The following GCLC variants were observed in gnomAD, a reference collection of about 807,000 sequenced individuals.
GCLC encodes glutamate--cysteine ligase catalytic subunit.
GCLC carries 30 observed loss-of-function variants against 81.5 expected under a neutral mutation model. The observed-to-expected ratio is 0.37, with a 90% CI of 0.28 to 0.50. GCLC has a LOEUF of 0.50. Ranked by LOEUF, GCLC falls within the 20% of genes least tolerant of loss-of-function variation. The probability of loss-of-function intolerance (pLI) is 0.96; values close to 1 mark genes in which losing one functional copy is unlikely to be tolerated. For synonymous variants in GCLC, 262 were observed against 273.3 expected (o/e 0.96, Z 0.41); for missense variants, 556 against 777.4 (o/e 0.72, Z 3.39).
rs551665117 is a variant in GCLC, at chr6:53,540,615, T to A, written c.150+3881A>T. On this transcript the variant is annotated intron_variant, in intron 1 of 15. Coordinates refer to ENST00000650454, the MANE Select transcript of GCLC (RefSeq NM_001498.4). Reference sequence around the variant, plus strand: ...TGCCCCTGTAGTTAACAATACTATATTTGTGCACTTAAAAATCTGTTAAGG... The same window carrying A: ...TGCCCCTGTAGTTAACAATACTATAATTGTGCACTTAAAAATCTGTTAAGG... Among the ~76,000 whole-genome samples the A allele has an allele frequency of 2.0e-5, 3 of 152,024 alleles. No individual in the cohort carries two copies. The South Asian group carries it at 6.2e-4, about 32-fold the overall frequency.
At chr6:53,500,017 A>G (rs1475623766) in intron 15 of GCLC, 28 bp downstream of exon 15, 1 of 1,504,390 alleles carries the variant, frequency 6.6e-7, no homozygotes, top group Non-Finnish European at 9.3e-7. Context: ...TGTCTATATT[A>G]TGAGATTAAG....
intron 3 of GCLC, among the ~76,000 whole-genome samples, chr6:53,517,403 G>A (rs1214933209): frequency 6.6e-6 from 1 of 151,674 alleles, no homozygotes; most frequent in Non-Finnish European, 1.5e-5. Flanking sequence ...GGCCATCAAT[G>A]CCTTATTTTT....
Position 53,506,978 on chromosome 6 carries a change from C to G in GCLC, c.1132G>C (p.Asp378His). The G allele has an allele frequency of 2.5e-6, 4 of 1,612,148 alleles. No individual in the cohort carries two copies. The highest frequency in any genetic ancestry group is 3.4e-6 in the Non-Finnish European group (4 of 1,178,268). ...TTCTCTTCAAACAGTGTCAGTGGGT[C>G]TCTAATAAAGAGATGAGCAACATGC... ...AQHVAHLFIR[D>H]PLTLFEEKIH... Residue 378 changes from aspartate to histidine, a missense_variant, in exon 10 of 16, where the codon GAC (aspartate) becomes CAC (histidine). Physicochemically the swap from Asp to His is moderately conservative, Grantham distance 81. Transcript: ENST00000650454. The surrounding 1 kb of genome is among the most constrained non-coding windows in gnomAD (Gnocchi z 4.0).
intron 6 of GCLC, chr6:53,512,923 A>T: frequency 6.6e-6 from 1 of 152,234 alleles, no homozygotes; most frequent in East Asian, 1.9e-4. Flanking sequence ...TCTAGAACTT[A>T]ATGGTTTTCT....
rs1387654908 is a variant in GCLC, at chr6:53,530,442, A to C, written c.151-7915T>G. Among the ~76,000 whole-genome samples, 10 of 152,318 alleles carry C rather than the reference A, an allele frequency of 6.6e-5. No homozygotes were observed. The South Asian group carries it at 2.1e-3, about 32-fold the overall frequency. ...CCATATTTGAAATTCATGCTAAAGGATGAAAATCTCAGATAAGTTAAAGCT... is the reference window on the plus strand; with the variant it reads ...CCATATTTGAAATTCATGCTAAAGGCTGAAAATCTCAGATAAGTTAAAGCT... On this transcript the variant is annotated intron_variant, in intron 1 of 15. Transcript: ENST00000650454.
At chr6:53,517,293 C>T (rs1300359155) in intron 3 of GCLC, among the ~76,000 whole-genome samples, 2 of 129,578 alleles carry the variant, frequency 1.5e-5, no homozygotes, top group African/African-American at 5.7e-5. Context: ...GACGAGGTCT[C>T]ACTATGCTAC....
chr6:53,507,525 C>T lies in GCLC; in HGVS notation c.1039G>A (p.Asp347Asn), dbSNP rs80120302. ...SKCGEKYNDI[D>N]LTIDKEIYEQ... The stretch of plus-strand genomic sequence containing the variant: ...TAGATCTCTTTATCTATCGTCAAGT[C>T]GATGTCATTATATTTCTCACCACAC... Residue 347 changes from aspartate (D) to asparagine (N), a missense_variant, in exon 9 of 16, where the codon GAC (aspartate) becomes AAC (asparagine). Physicochemically the swap from Asp to Asn is conservative, Grantham distance 23. Coordinates refer to ENST00000650454, the MANE Select transcript of GCLC (RefSeq NM_001498.4). The T allele has an allele frequency of 2.3e-3, 3,695 of 1,607,000 alleles. 9 individuals carry two copies. The highest frequency in any genetic ancestry group is 3.0e-3 in the Non-Finnish European group (3,505 of 1,173,818).
rs781133609 is a variant in GCLC, at chr6:53,507,631, AATAT to A, written c.946-17_946-14del. The A allele has an allele frequency of 1.2e-5, 14 of 1,186,600 alleles. No homozygotes were observed. The South Asian group carries it at 1.8e-4, about 15-fold the overall frequency. The allele number at this position is 1,186,600 out of a possible 1,614,324, so 73.5% of individuals were successfully genotyped here. Reference sequence around the variant, plus strand: ...TGTTCTTCAATGGCTAAAGATTAAAAATATATATAAATGAATATGCTATATAAAA... The same window carrying A: ...TGTTCTTCAATGGCTAAAGATTAAAAATATAAATGAATATGCTATATAAAA... On this transcript the variant is annotated splice_polypyrimidine_tract_variant and intron_variant, in intron 8 of 15. Transcript: ENST00000650454.
At chr6:53,538,398 C>A (rs941178229) in intron 1 of GCLC, among the ~76,000 whole-genome samples, 1 of 150,882 alleles carries the variant, frequency 6.6e-6, no homozygotes, top group Non-Finnish European at 1.5e-5. Context: ...GCGATCTAGG[C>A]TCACTGCAAG....
Position 53,506,863 on chromosome 6 carries a change from A to C in GCLC, c.1197+50T>G. ...ATGCATATAAAACAGAGGATTCCAG[A>C]CTCTCAGAAGTCAATACATAAATAA... On this transcript the variant is annotated intron_variant, in intron 10 of 15. Transcript: ENST00000650454. The surrounding 1 kb of genome is among the most constrained non-coding windows in gnomAD (Gnocchi z 4.0). 1.0e-6 allele frequency: 1 copy of C among 958,724 alleles called. No individual in the cohort carries two copies. The highest frequency in any genetic ancestry group is 1.7e-6 in the Non-Finnish European group (1 of 593,802). The allele number at this position is 958,724 out of a possible 1,614,324, so 59.4% of individuals were successfully genotyped here. A position where few individuals can be genotyped will look rare whatever the true frequency, so the allele number is the denominator to read the frequency against.
chr6:53,523,658 C>T (rs1431687496), intron 1 of GCLC, among the ~76,000 whole-genome samples: 1 of 152,184 alleles, frequency 6.6e-6, no homozygotes, highest in Non-Finnish European at 1.5e-5. Flanking sequence ...TTCAGGGGTG[C>T]ACACTGTCTG....
chr6:53,518,042 T>G (rs996622957), intron 3 of GCLC, among the ~76,000 whole-genome samples: 2 of 152,184 alleles, frequency 1.3e-5, no homozygotes, highest in African/African-American at 2.4e-5. Context: ...AACAAAACTT[T>G]ATCATTTATT....
intron 1 of GCLC, among the ~76,000 whole-genome samples, chr6:53,537,846 T>G (rs540772403): frequency 5.5e-4 from 83 of 152,212 alleles, no homozygotes; most frequent in Middle Eastern, 3.4e-3. Context: ...GTAAATGGTT[T>G]AGGCTATTTG....
chr6:53,530,329 G>A (rs1440816485), intron 1 of GCLC, among the ~76,000 whole-genome samples: 1 of 152,136 alleles, frequency 6.6e-6, no homozygotes, highest in African/African-American at 2.4e-5. Context: ...ATCGTACCTG[G>A]GTGTTATAGT....
At chr6:53,526,928 G>T (rs1253396600) in intron 1 of GCLC, among the ~76,000 whole-genome samples, 1 of 152,112 alleles carries the variant, frequency 6.6e-6, no homozygotes, top group Admixed American at 6.5e-5. Flanking sequence ...AATACTCAGA[G>T]CAGTTACAGG....
intron 15 of GCLC, 137 bp from the exon 16 acceptor site, chr6:53,499,104 G>A (rs887424962): frequency 4.4e-6 from 3 of 678,702 alleles, no homozygotes; most frequent in African/African-American, 1.8e-5. Context: ...GCATGGCAGG[G>A]GGTGGGAACA....
chr6:53,502,835 A>G (rs1419583878), intron 12 of GCLC, among the ~76,000 whole-genome samples: 2 of 152,178 alleles, frequency 1.3e-5, no homozygotes, highest in African/African-American at 4.8e-5. Flanking sequence ...CCCTGGCCCC[A>G]CACCCAATTT....
intron 7 of GCLC, 74 bp downstream of exon 7, chr6:53,509,102 T>A: frequency 1.1e-6 from 1 of 904,782 alleles, no homozygotes; most frequent in Non-Finnish European, 1.8e-6. Flanking sequence ...AATAGCACAC[T>A]GTCAGTAAAT....
At chr6:53,536,225 CAA>C (rs1763254883) in intron 1 of GCLC, among the ~76,000 whole-genome samples, 1 of 152,108 alleles carries the variant, frequency 6.6e-6, no homozygotes, top group Admixed American at 6.5e-5. Context: ...AACTAGATAT[CAA>C]ATGCAAACTA....
Sources: allele counts gnomAD v4.1 joint callset (sites outside exome capture counted in the v4.1 genomes callset), GRCh38; gene constraint gnomAD v4.1.1; non-coding constraint Gnocchi (gnomAD v3.1); transcripts MANE v1.5; gene names NCBI Gene and HGNC (gene_info 2026-07-23, HGNC 2026-07-21).